Variants in RIT2 observed in about 807,000 individuals in gnomAD.
RIT2 encodes Ras like without CAAX 2, also known as GTP-binding protein Rit2.
In RIT2, 24 loss-of-function variants were observed where a neutral mutation model predicts 23.7. The ratio of observed to expected loss-of-function variants is 1.01; its 90% CI spans 0.73 to 1.43. The LOEUF (loss-of-function observed/expected upper bound fraction) is 1.43, where lower values mean the gene tolerates loss of function less well. RIT2 is among the 40% of genes most tolerant of loss of function. RIT2 has a pLI of 0.00. For synonymous variants in RIT2, 107 were observed against 91.1 expected (o/e 1.17, Z -0.99); for missense variants, 236 against 266.9 (o/e 0.88, Z 0.81).
At chr18:43,089,580 C>A (rs1913370307) in intron 1 of RIT2, among the ~76,000 whole-genome samples, 3 of 148,334 alleles carry the variant, frequency 2.0e-5, no homozygotes, top group South Asian at 2.1e-4. Flanking sequence ...CAATCCTAAG[C>A]AAAAAAAAAT....
At chr18:42,875,018 T>C (rs927030013) in intron 4 of RIT2, among the ~76,000 whole-genome samples, 8 of 152,050 alleles carry the variant, frequency 5.3e-5, no homozygotes, top group Non-Finnish European at 7.4e-5. Flanking sequence ...TAGAGAAAAA[T>C]TGAGAACCAG....
chr18:42,808,988 A>G lies in RIT2; in HGVS notation c.427-65268T>C, dbSNP rs554853550. On this transcript the variant is annotated intron_variant, in intron 4 of 4. Coordinates refer to ENST00000326695, the MANE Select transcript of RIT2 (RefSeq NM_002930.4). ...AAATAAAAAGAGAGCTTTGTTTAGA[A>G]TGTACGCACATTGGGTGAAATTTTG... Among the ~76,000 whole-genome samples the G allele has an allele frequency of 2.0e-5, 3 of 152,264 alleles. No homozygotes were observed. In the East Asian group the frequency reaches 5.8e-4, roughly 29 times the overall value.
Position 43,002,251 on chromosome 18 carries a change from A to G in RIT2, c.161-28104T>C, listed in dbSNP as rs529082016. Among the ~76,000 whole-genome samples the G allele has an allele frequency of 2.0e-5, 3 of 152,024 alleles. No homozygotes were observed. In the East Asian group the frequency reaches 5.9e-4, roughly 30 times the overall value. Reference sequence around the variant, plus strand: ...AGCACAGCAGAAAGATGAGGTTCAGAACACTTAATCGGTCGAATTCTTCCA... The same window carrying G: ...AGCACAGCAGAAAGATGAGGTTCAGGACACTTAATCGGTCGAATTCTTCCA... On this transcript the variant is annotated intron_variant, in intron 2 of 4. Transcript: ENST00000326695.
rs192003857 is a variant in RIT2, at chr18:42,949,720, C to G, written c.234+24354G>C. On this transcript the variant is annotated intron_variant, in intron 3 of 4. Coordinates refer to ENST00000326695, the MANE Select transcript of RIT2 (RefSeq NM_002930.4). ...ACAAAGAATATTCAGAGGTACAGAACTACTTGGGGCTTTGGGATTAATAAT... is the reference window on the plus strand; with the variant it reads ...ACAAAGAATATTCAGAGGTACAGAAGTACTTGGGGCTTTGGGATTAATAAT... 2.0e-5 allele frequency among the ~76,000 whole-genome samples: 3 copies of G among 152,176 alleles called. No homozygotes were observed. The East Asian group carries it at 5.8e-4, about 29-fold the overall frequency.
At chr18:42,967,246 T>C (rs1910249331) in intron 3 of RIT2, among the ~76,000 whole-genome samples, 1 of 152,118 alleles carries the variant, frequency 6.6e-6, no homozygotes, top group South Asian at 2.1e-4. Flanking sequence ...CTAACAACAC[T>C]GTGATTGGCT....
At chr18:42,932,062 T>C (rs1309413046) in intron 3 of RIT2, among the ~76,000 whole-genome samples, 1 of 152,144 alleles carries the variant, frequency 6.6e-6, no homozygotes. Flanking sequence ...TGATCTTGTT[T>C]TGCAATAAAA....
intron 3 of RIT2, among the ~76,000 whole-genome samples, chr18:42,941,614 T>C (rs1306718393): frequency 2.0e-5 from 3 of 152,146 alleles, no homozygotes; most frequent in Non-Finnish European, 4.4e-5. Context: ...TAAGCAGTGT[T>C]GTTGTGGAGT....
intron 4 of RIT2, among the ~76,000 whole-genome samples, chr18:42,761,206 C>A (rs1452895467): frequency 1.3e-5 from 2 of 152,126 alleles, no homozygotes; most frequent in Non-Finnish European, 2.9e-5. Flanking sequence ...CCTGTTTTAT[C>A]CCTTTAGCTT....
chr18:43,038,571 C>A (rs1912045051), intron 1 of RIT2, among the ~76,000 whole-genome samples: 1 of 151,878 alleles, frequency 6.6e-6, no homozygotes, highest in Admixed American at 6.6e-5. Context: ...TTGTCTTTTC[C>A]TACAATTTCT....
chr18:42,812,946 T>G (rs572911683), intron 4 of RIT2, among the ~76,000 whole-genome samples: 1 of 152,342 alleles, frequency 6.6e-6, no homozygotes, highest in East Asian at 1.9e-4. Flanking sequence ...AAGTTTCTAA[T>G]GAATGTCAAT....
rs187345591 is a variant in RIT2 at position 43,035,698 on chromosome 18, A to C, written c.104-1831T>G. Among the ~76,000 whole-genome samples the C allele has an allele frequency of 1.6e-3, 248 of 152,306 alleles. 3 individuals carry two copies. Among genetic ancestry groups the C allele is most frequent in the Non-Finnish European group, 3.2e-3 (218 of 68,016 alleles). On this transcript the variant is annotated intron_variant, in intron 1 of 4. Coordinates refer to ENST00000326695, the MANE Select transcript of RIT2 (RefSeq NM_002930.4). ...ATTTGATTTCCCTGCCTTCAGCAAGAATCTCATTAAATTTGTTTAACCAGA... is the reference window on the plus strand; with the variant it reads ...ATTTGATTTCCCTGCCTTCAGCAAGCATCTCATTAAATTTGTTTAACCAGA...
At chr18:42,980,530 C>A (rs1049308582) in intron 2 of RIT2, among the ~76,000 whole-genome samples, 5 of 152,126 alleles carry the variant, frequency 3.3e-5, no homozygotes, top group Admixed American at 6.5e-5. Context: ...CTCTCTGATA[C>A]CCCCCGGAGA....
At chr18:42,967,682 C>A (rs1309691917) in intron 3 of RIT2, among the ~76,000 whole-genome samples, 1 of 150,890 alleles carries the variant, frequency 6.6e-6, no homozygotes, top group Non-Finnish European at 1.5e-5. Flanking sequence ...TGAGCCACCA[C>A]ACCTGGCCAA....
rs1439835230 is a variant in RIT2 at position 42,877,560 on chromosome 18, A to G, written c.426+46012T>C. On this transcript the variant is annotated intron_variant, in intron 4 of 4. Transcript: ENST00000326695. ...TATATATGCATATACACACATAGAT[A>G]CATATCTATATACAAATAAAGATTT... is the stretch of plus-strand genomic sequence containing the variant. 2.7e-5 allele frequency among the ~76,000 whole-genome samples: 4 copies of G among 150,660 alleles called. No individual in the cohort carries two copies. In the East Asian group the frequency reaches 7.8e-4, roughly 29 times the overall value.
intron 1 of RIT2, among the ~76,000 whole-genome samples, chr18:43,063,261 A>C (rs1304752854): frequency 6.6e-6 from 1 of 152,160 alleles, no homozygotes; most frequent in African/African-American, 2.4e-5. Flanking sequence ...AAGATTCACC[A>C]TACCTGTGTC....
chr18:43,078,439 G>A (rs1913075613), intron 1 of RIT2, among the ~76,000 whole-genome samples: 1 of 151,636 alleles, frequency 6.6e-6, no homozygotes, highest in South Asian at 2.1e-4. Context: ...AGCCTTTCCT[G>A]ATCACTGCCA....
intron 2 of RIT2, among the ~76,000 whole-genome samples, chr18:43,006,948 GA>G (rs1486414422): frequency 6.6e-6 from 1 of 150,576 alleles, no homozygotes; most frequent in Non-Finnish European, 1.5e-5. Flanking sequence ...CCAAAAAGAA[GA>G]AATAATAAAT....
chr18:42,870,023 G>A (rs1174899195), intron 4 of RIT2, among the ~76,000 whole-genome samples: 2 of 152,020 alleles, frequency 1.3e-5, no homozygotes, highest in Non-Finnish European at 2.9e-5. Flanking sequence ...TGTTTTCTTT[G>A]TTTAGTTTTA....
intron 4 of RIT2, among the ~76,000 whole-genome samples, chr18:42,793,493 C>T (rs1430354536): frequency 3.3e-5 from 5 of 152,092 alleles, no homozygotes; most frequent in Non-Finnish European, 7.4e-5. Flanking sequence ...TTTCTTTGTT[C>T]TTGTTTAAGG....
Sources: gnomAD v4.1 joint callset for allele counts (sites outside exome capture counted in the v4.1 genomes callset) on GRCh38, gnomAD v4.1.1 for gene constraint, MANE v1.5 for transcripts, NCBI Gene and HGNC (gene_info 2026-07-23, HGNC 2026-07-21) for gene names.